The following CLUAP1 variants were observed in gnomAD, a reference collection of about 807,000 sequenced individuals.
The protein encoded by CLUAP1 is intraflagellar transport 38, also known as clusterin-associated protein 1.
Under a neutral mutation model 55.0 loss-of-function variants are expected in CLUAP1, and 50 were observed. The ratio of observed to expected loss-of-function variants is 0.91; its 90% confidence interval spans 0.72 to 1.15. The LOEUF (loss-of-function observed/expected upper bound fraction) is 1.15, where lower values mean the gene tolerates loss of function less well. CLUAP1 is among the 50% of genes most tolerant of loss of function. The probability of loss-of-function intolerance (pLI) is 0.00; values close to 1 mark genes in which losing one functional copy is unlikely to be tolerated. For synonymous variants in CLUAP1, 195 were observed against 175.4 expected, an observed-to-expected ratio of 1.11 and a Z score of -0.88; for missense variants, 530 against 507.6, an observed-to-expected ratio of 1.04 and a Z score of -0.42.
At chr16:3,496,521 A>G, upstream of CLUAP1, 1 of 578,630 alleles carries the variant, frequency 1.7e-6, no homozygotes, top group South Asian at 1.4e-5. Flanking sequence ...GCTGCCCGTG[A>G]CCAGCCGGCC....
At chr16:3,524,941 T>C (rs1471481938) in intron 8 of CLUAP1, among the ~76,000 whole-genome samples, 1 of 152,236 alleles carries the variant, frequency 6.6e-6, no homozygotes, top group Non-Finnish European at 1.5e-5. Context: ...GAAATTGGTC[T>C]GCAGTCTCCC....
intron 3 of CLUAP1, among the ~76,000 whole-genome samples, chr16:3,507,193 C>CT: frequency 7.1e-6 from 1 of 141,570 alleles, no homozygotes; most frequent in African/African-American, 2.7e-5. Context: ...AAGACTCTGT[C>CT]TTAAAAAAAA....
intron 5 of CLUAP1, among the ~76,000 whole-genome samples, chr16:3,513,394 A>G (rs1057012110): frequency 1.3e-5 from 2 of 152,218 alleles, no homozygotes; most frequent in African/African-American, 4.8e-5. Flanking sequence ...AGTATGTGCC[A>G]TCACCTACAT....
chr16:3,496,707 G>A, upstream of CLUAP1: 1 of 531,232 alleles, frequency 1.9e-6, no homozygotes. Flanking sequence ...CGCTATTTCC[G>A]CTCCAGGGAC....
At chr16:3,535,309 T>G (rs1232897391) in intron 11 of CLUAP1, 4 of 152,372 alleles carry the variant, frequency 2.6e-5, no homozygotes, top group Non-Finnish European at 5.9e-5. Context: ...AACGACTCGC[T>G]CAGGAGCTTT....
intron 8 of CLUAP1, among the ~76,000 whole-genome samples, 194 bp from the exon 9 acceptor site, chr16:3,526,218 C>T (rs911098697): frequency 6.6e-6 from 1 of 152,202 alleles, no homozygotes; most frequent in Admixed American, 6.5e-5. Context: ...CACGAGGCAA[C>T]CGCAGAGAGA....
At chr16:3,533,879 CT>C (rs2038178756) in intron 11 of CLUAP1, 1 of 152,328 alleles carries the variant, frequency 6.6e-6, no homozygotes, top group South Asian at 2.1e-4. Flanking sequence ...GGCGTGGGTG[CT>C]GGCAATGCTG....
At chr16:3,520,330 TCA>T (rs1185108678) in intron 7 of CLUAP1, among the ~76,000 whole-genome samples, 3 of 151,848 alleles carry the variant, frequency 2.0e-5, no homozygotes, top group Non-Finnish European at 4.4e-5. Context: ...TATGGTTGCA[TCA>T]CTGCACTCCA....
intron 8 of CLUAP1, among the ~76,000 whole-genome samples, chr16:3,525,506 T>C (rs796555844): frequency 1.5e-4 from 23 of 152,254 alleles, no homozygotes; most frequent in African/African-American, 5.5e-4. Flanking sequence ...AGAACAACAA[T>C]ATATAAAGCC....
chr16:3,532,767 A>G lies in CLUAP1; in HGVS notation c.1037-19A>G, dbSNP rs201884274. 865 of 1,613,640 alleles carry G rather than the reference A, an allele frequency of 5.4e-4. 4 individuals carry two copies. The Middle Eastern group carries it at 7.6e-3, about 14-fold the overall frequency. ...TTTCCAAGATTTTTATGACTTCTTC[A>G]TGCTTTTGTTGTTCTCAGGAAGACC... is the stretch of plus-strand genomic sequence containing the variant. On this transcript the variant is annotated intron_variant, in intron 10 of 11. Coordinates refer to ENST00000576634, the MANE Select transcript of CLUAP1 (RefSeq NM_015041.3).
At chr16:3,524,977 G>A (rs1406045105) in intron 8 of CLUAP1, among the ~76,000 whole-genome samples, 1 of 152,160 alleles carries the variant, frequency 6.6e-6, no homozygotes, top group African/African-American at 2.4e-5. Context: ...ACAGCTTTTG[G>A]TATTAAGGTT....
upstream of CLUAP1, among the ~76,000 whole-genome samples, chr16:3,499,021 C>T (rs74617036): frequency 4.0e-3 from 606 of 152,274 alleles, 6 homozygotes; most frequent in African/African-American, 0.014. Flanking sequence ...GGATGTTCAA[C>T]CCAATTTTGA....
At chr16:3,496,505 G>A (rs878917340), upstream of CLUAP1, 2 of 616,068 alleles carry the variant, frequency 3.2e-6, no homozygotes, top group Non-Finnish European at 6.0e-6. Context: ...AACTTAAGGT[G>A]TGTGCGCTGC....
chr16:3,534,657 A>G (rs962161727), intron 11 of CLUAP1: 11 of 152,316 alleles, frequency 7.2e-5, no homozygotes, highest in Middle Eastern at 3.1e-3. Context: ...TCTAAGAACC[A>G]TCAGGTTTTG....
At chr16:3,512,581 T>TGGG (rs1178967885) in intron 5 of CLUAP1, 103 bp downstream of exon 5, 4 of 863,134 alleles carry the variant, frequency 4.6e-6, no homozygotes, top group Non-Finnish European at 7.5e-6. Context: ...GAAATACACC[T>TGGG]GGTTGAATGA....
intron 1 of CLUAP1, among the ~76,000 whole-genome samples, chr16:3,504,402 A>G (rs1001789941): frequency 5.9e-5 from 9 of 152,198 alleles, no homozygotes; most frequent in African/African-American, 2.2e-4. Context: ...TTTTATAAGG[A>G]CGGGTGTTTC....
chr16:3,504,770 G>C lies in CLUAP1; in HGVS notation c.73G>C (p.Glu25Gln). Reference protein sequence around the residue: ...ALGYPRHISMENFRTPNFGLV... With the variant: ...ALGYPRHISMQNFRTPNFGLV... ...GGGATACCCTCGACATATTTCTATGGAAAATTTCCGTACACCCAATTTTGG... is the reference window on the plus strand; with the variant it reads ...GGGATACCCTCGACATATTTCTATGCAAAATTTCCGTACACCCAATTTTGG... Residue 25 changes from glutamate (E) to glutamine (Q), a missense_variant, in exon 2 of 12, where the codon GAA (glutamate) becomes CAA (glutamine). Physicochemically the swap from Glu to Gln is conservative, Grantham distance 29. Transcript: ENST00000576634. 5 of 1,613,792 alleles carry C rather than the reference G, an allele frequency of 3.1e-6. No homozygotes were observed. The highest frequency in any genetic ancestry group is 1.3e-5 in the African/African-American group (1 of 75,030).
chr16:3,515,675 G>A lies in CLUAP1; in HGVS notation c.579+84G>A, dbSNP rs59701722. ...TTCTTGCCCATACAAGACAGAACAA[G>A]CTAGGCTTAGTAACAAGGGATGTGT... On this transcript the variant is annotated intron_variant, in intron 6 of 11. Coordinates refer to ENST00000576634, the MANE Select transcript of CLUAP1 (RefSeq NM_015041.3). The A allele has an allele frequency of 3.3e-3, 2,918 of 897,024 alleles. 64 individuals are homozygous for A. In the African/African-American group the frequency reaches 0.046, roughly 14 times the overall value. The allele number at this position is 897,024 out of a possible 1,614,324, so 55.6% of individuals were successfully genotyped here.
rs186338695 is a variant in CLUAP1 at position 3,525,668 on chromosome 16, G to A, written c.856-744G>A. Among the ~76,000 whole-genome samples the A allele has an allele frequency of 3.3e-3, 503 of 152,068 alleles. 3 individuals carry two copies. The highest frequency in any genetic ancestry group is 0.011 in the African/African-American group (476 of 41,496). On this transcript the variant is annotated intron_variant, in intron 8 of 11. Coordinates refer to ENST00000576634, the MANE Select transcript of CLUAP1 (RefSeq NM_015041.3). Reference sequence around the variant, plus strand: ...AGCTTCAGACCTCTTGGGCTCAAGCGATCCTCCCACCTCAGCTTCTTGAGT... The same window carrying A: ...AGCTTCAGACCTCTTGGGCTCAAGCAATCCTCCCACCTCAGCTTCTTGAGT...
Sources: allele counts gnomAD v4.1 joint callset (sites outside exome capture counted in the v4.1 genomes callset), GRCh38; gene constraint gnomAD v4.1.1; transcripts MANE v1.5; gene names NCBI Gene and HGNC (gene_info 2026-07-23, HGNC 2026-07-21).